Variants in IPO11 observed in about 807,000 individuals in gnomAD.
The protein encoded by IPO11 is importin-11.
Under a neutral mutation model 143.2 loss-of-function variants are expected in IPO11, and 66 were observed. The ratio of observed to expected loss-of-function variants is 0.46; its 90% CI spans 0.38 to 0.57. The LOEUF (loss-of-function observed/expected upper bound fraction) is 0.57, where lower values mean the gene tolerates loss of function less well. Among genes scored for constraint, IPO11 ranks in the 20% least tolerant of loss-of-function variants. IPO11 has a pLI of 0.00. For missense variants in IPO11, 1,026 were observed against 1,141.0 expected, an observed-to-expected ratio of 0.90 and a Z score of 1.45; for synonymous variants, 385 against 377.8, an observed-to-expected ratio of 1.02 and a Z score of -0.22.
chr5:62,595,433 C>T (rs1044556707), intron 28 of IPO11, among the ~76,000 whole-genome samples: 2 of 152,154 alleles, frequency 1.3e-5, no homozygotes, highest in African/African-American at 4.8e-5. Flanking sequence ...TGTGCTTATA[C>T]CTGTAGCCTA....
chr5:62,510,215 C>T (rs13173684), intron 19 of IPO11, among the ~76,000 whole-genome samples: 3 of 152,128 alleles, frequency 2.0e-5, no homozygotes, highest in Admixed American at 6.5e-5. Flanking sequence ...AATTGTCCTT[C>T]CCTTAAAACC....
At chr5:62,602,938 A>C (rs1745559428) in intron 29 of IPO11, among the ~76,000 whole-genome samples, 1 of 152,234 alleles carries the variant, frequency 6.6e-6, no homozygotes, top group Non-Finnish European at 1.5e-5. Context: ...GCATATTTCC[A>C]GGGTCTTCGA....
chr5:62,557,073 C>T (rs959781966), intron 26 of IPO11, among the ~76,000 whole-genome samples: 4 of 152,196 alleles, frequency 2.6e-5, no homozygotes, highest in Non-Finnish European at 4.4e-5. Context: ...TCACCTCAGT[C>T]GCCTAGATCC....
intron 15 of IPO11, among the ~76,000 whole-genome samples, chr5:62,493,212 A>G (rs1335304070): frequency 6.6e-6 from 1 of 152,234 alleles, no homozygotes; most frequent in Non-Finnish European, 1.5e-5. Context: ...CACAAAATTT[A>G]TATGAAAGTT....
At chr5:62,586,027 A>G (rs1462070662) in intron 27 of IPO11, among the ~76,000 whole-genome samples, 1 of 152,084 alleles carries the variant, frequency 6.6e-6, no homozygotes, top group Non-Finnish European at 1.5e-5. Context: ...AGGCACTCAT[A>G]AGTTTGGTGT....
chr5:62,580,982 T>C (rs1211451922), intron 27 of IPO11: 2 of 1,551,210 alleles, frequency 1.3e-6, no homozygotes, highest in East Asian at 2.4e-5. Flanking sequence ...AAAACATCTC[T>C]AATTTGTACA....
intron 29 of IPO11, among the ~76,000 whole-genome samples, chr5:62,626,609 C>T (rs1372362774): frequency 6.6e-6 from 1 of 150,390 alleles, no homozygotes; most frequent in African/African-American, 2.4e-5. Context: ...GGTTATTTTT[C>T]ATGAAATTAC....
intron 3 of IPO11, among the ~76,000 whole-genome samples, chr5:62,443,946 A>G (rs1056778595): frequency 2.6e-5 from 4 of 152,200 alleles, no homozygotes; most frequent in Non-Finnish European, 5.9e-5. Context: ...ATAGCTCTCT[A>G]AATTCTTAAA....
At chr5:62,602,552 A>T (rs1419221743) in intron 29 of IPO11, among the ~76,000 whole-genome samples, 1 of 152,096 alleles carries the variant, frequency 6.6e-6, no homozygotes, top group East Asian at 1.9e-4. Context: ...TACCTCATAG[A>T]TAGAATAAAT....
intron 28 of IPO11, among the ~76,000 whole-genome samples, chr5:62,599,683 G>T (rs1350225900): frequency 6.6e-6 from 1 of 152,126 alleles, no homozygotes; most frequent in African/African-American, 2.4e-5. Flanking sequence ...GGTGATTTCT[G>T]CCTTGAGTTT....
chr5:62,554,377 T>G (rs778038091), intron 26 of IPO11, among the ~76,000 whole-genome samples: 21 of 152,286 alleles, frequency 1.4e-4, no homozygotes, highest in Non-Finnish European at 1.2e-4. Context: ...AGTGTTTTCC[T>G]TATGTTTTCT....
At position 62,581,942 on chromosome 5, in the gene IPO11, A is replaced by G. The variant is rs1744583026; in HGVS notation, c.2583-9635A>G. On this transcript the variant is annotated intron_variant, in intron 27 of 29. Coordinates refer to ENST00000325324, the MANE Select transcript of IPO11 (RefSeq NM_016338.5). ...ATAAATAGAAATTAGCCCAGTGAAG[A>G]GAGCTGAGTAACATCGTGTCAGAGG... is the stretch of plus-strand genomic sequence containing the variant. Among the ~76,000 whole-genome samples, 3 of 152,308 alleles carry G rather than the reference A, an allele frequency of 2.0e-5. No homozygotes were observed. The South Asian group carries it at 6.2e-4, about 32-fold the overall frequency.
At chr5:62,448,003 C>G (rs934735996) in intron 3 of IPO11, among the ~76,000 whole-genome samples, 3 of 152,204 alleles carry the variant, frequency 2.0e-5, no homozygotes, top group Non-Finnish European at 4.4e-5. Context: ...GCGTGAGCTA[C>G]TGTGTCCAGC....
intron 19 of IPO11, among the ~76,000 whole-genome samples, chr5:62,508,037 T>C (rs753398543): frequency 6.6e-6 from 1 of 152,226 alleles, no homozygotes; most frequent in Non-Finnish European, 1.5e-5. Flanking sequence ...ACCCTATCAT[T>C]TTTATCATTG....
intron 22 of IPO11, among the ~76,000 whole-genome samples, chr5:62,531,636 A>G (rs150145586): frequency 1.1e-3 from 168 of 152,252 alleles, no homozygotes; most frequent in African/African-American, 3.7e-3. Context: ...GGTATAATGA[A>G]TGACACACTG....
intron 1 of IPO11, among the ~76,000 whole-genome samples, chr5:62,429,587 C>CGTGTGTGTGT (rs56185914): frequency 0.013 from 1,635 of 128,538 alleles, 35 homozygotes; most frequent in African/African-American, 0.039. Context: ...GTCTGATTTT[C>CGTGTGTGTGT]GTGTGTGTGT....
At chr5:62,555,479 A>T (rs868091965) in intron 26 of IPO11, among the ~76,000 whole-genome samples, 176 of 137,262 alleles carry the variant, frequency 1.3e-3, no homozygotes, top group Admixed American at 7.0e-3. Context: ...CACCTGGCTA[A>T]TTATTTATTT....
intron 26 of IPO11, among the ~76,000 whole-genome samples, chr5:62,557,249 T>C (rs112301861): frequency 0.022 from 3,282 of 152,200 alleles, 60 homozygotes; most frequent in Non-Finnish European, 0.031. Context: ...AATGGCGCGA[T>C]CTCAGCTCAC....
intron 24 of IPO11, among the ~76,000 whole-genome samples, chr5:62,540,948 T>A (rs111949883): frequency 1.3e-5 from 2 of 152,246 alleles, no homozygotes; most frequent in African/African-American, 4.8e-5. Flanking sequence ...TCTTTGACCA[T>A]TTATTTGAAA....
Sources: gnomAD v4.1 joint callset for allele counts (sites outside exome capture counted in the v4.1 genomes callset) on GRCh38, gnomAD v4.1.1 for gene constraint, MANE v1.5 for transcripts, NCBI Gene and HGNC (gene_info 2026-07-23, HGNC 2026-07-21) for gene names.